Variants in SSBP3 observed in about 807,000 individuals in gnomAD.
The protein encoded by SSBP3 is single-stranded DNA-binding protein 3.
SSBP3 carries 5 observed loss-of-function variants against 69.6 expected under a neutral mutation model. The observed-to-expected ratio is 0.07, with a 90% CI of 0.04 to 0.15. SSBP3 has a LOEUF of 0.15. Among genes scored for constraint, SSBP3 ranks in the 10% least tolerant of loss-of-function variants. The probability of loss-of-function intolerance (pLI) is 1.00; values close to 1 mark genes in which losing one functional copy is unlikely to be tolerated. For synonymous variants in SSBP3, 196 were observed against 193.4 expected (o/e 1.01, Z -0.11); for missense variants, 312 against 534.0 (o/e 0.58, Z 4.10).
chr1:54,350,486 C>A (rs1370814814), intron 4 of SSBP3, among the ~76,000 whole-genome samples: 3 of 152,192 alleles, frequency 2.0e-5, no homozygotes, highest in Non-Finnish European at 4.4e-5. Context: ...CCAAGAAAGG[C>A]TGTGGTGAGA....
intron 4 of SSBP3, among the ~76,000 whole-genome samples, chr1:54,312,613 T>G (rs1489414146): frequency 6.6e-6 from 1 of 151,886 alleles, no homozygotes. Context: ...TCCTGTACAC[T>G]CCTTCCTTCA....
intron 5 of SSBP3, among the ~76,000 whole-genome samples, chr1:54,266,144 A>G (rs1428628114): frequency 6.6e-6 from 1 of 152,248 alleles, no homozygotes; most frequent in Non-Finnish European, 1.5e-5. Flanking sequence ...TGCGACTGCC[A>G]TGATACAGAT....
intron 4 of SSBP3, among the ~76,000 whole-genome samples, chr1:54,368,847 A>G (rs1407562162): frequency 6.6e-6 from 1 of 152,198 alleles, no homozygotes; most frequent in East Asian, 1.9e-4. Context: ...TTACTAGGGA[A>G]TCTTCAGGCA....
chr1:54,263,344 G>T (rs933447985), intron 5 of SSBP3, among the ~76,000 whole-genome samples: 1 of 152,210 alleles, frequency 6.6e-6, no homozygotes, highest in Non-Finnish European at 1.5e-5. Context: ...GGGTTGTGGT[G>T]TGACAGGAAG....
Position 54,241,524 on chromosome 1 carries a change from T to C in SSBP3, c.766-15A>G. 6.2e-7 allele frequency: 1 copy of C among 1,613,712 alleles called. No individual in the cohort carries two copies. The highest frequency in any genetic ancestry group is 1.1e-5 in the South Asian group (1 of 91,064). The stretch of plus-strand genomic sequence containing the variant: ...GAGTATGGAATCTAAAAACAAGATG[T>C]CAGGGAGCCCCACGTCAGAGTCACT... On this transcript the variant is annotated splice_polypyrimidine_tract_variant and intron_variant, in intron 11 of 17. Coordinates refer to ENST00000610401, the Ensembl canonical transcript of SSBP3.
At chr1:54,386,400 C>T (rs1487940934) in intron 4 of SSBP3, among the ~76,000 whole-genome samples, 1 of 152,184 alleles carries the variant, frequency 6.6e-6, no homozygotes, top group East Asian at 1.9e-4. Context: ...ACATCATCAA[C>T]TCCCAGGAGC....
rs3753405 is a variant in SSBP3 at position 54,280,035 on chromosome 1, T to C, written c.366+1403A>G. 3.7e-3 allele frequency among the ~76,000 whole-genome samples: 558 copies of C among 152,322 alleles called. 14 individuals are homozygous for C. The South Asian group carries it at 0.05, about 14-fold the overall frequency. On this transcript the variant is annotated intron_variant, in intron 5 of 17. Transcript: ENST00000610401. ...TCCAGTTTTGGCAGTGTTCTGGGAA[T>C]GCATACAGATCCACATGTGGCCATC...
At chr1:54,316,669 T>TA (rs1358788482) in intron 4 of SSBP3, among the ~76,000 whole-genome samples, 5,379 of 42,924 alleles carry the variant, frequency 0.13, 597 homozygotes, top group East Asian at 0.2. Flanking sequence ...ATAAAATAAA[T>TA]AAATAAATAA....
chr1:54,262,594 G>A (rs1645035226), intron 5 of SSBP3, among the ~76,000 whole-genome samples: 1 of 152,224 alleles, frequency 6.6e-6, no homozygotes, highest in African/African-American at 2.4e-5. Flanking sequence ...TACACAGAGA[G>A]AAATAAGCTT....
chr1:54,297,925 C>T (rs1645729944), intron 4 of SSBP3, among the ~76,000 whole-genome samples: 1 of 152,160 alleles, frequency 6.6e-6, no homozygotes, highest in African/African-American at 2.4e-5. Context: ...GCTCCTGGAC[C>T]AGATGTTCCA....
At chr1:54,404,492 G>C (rs111254803) in intron 3 of SSBP3, 84 bp downstream of exon 3, 161 of 1,545,834 alleles carry the variant, frequency 1.0e-4, no homozygotes, top group Non-Finnish European at 1.3e-4. Context: ...CGGAGGGCCT[G>C]CTCCAAGCCT....
chr1:54,261,495 G>T (rs575986656), intron 5 of SSBP3, among the ~76,000 whole-genome samples: 1 of 152,188 alleles, frequency 6.6e-6, no homozygotes. Flanking sequence ...TCTCTTCCCC[G>T]AACTCTGAAC....
intron 4 of SSBP3, among the ~76,000 whole-genome samples, chr1:54,391,348 T>C (rs1339590206): frequency 6.6e-6 from 1 of 152,228 alleles, no homozygotes; most frequent in Non-Finnish European, 1.5e-5. Flanking sequence ...ATCTTGTACC[T>C]TGGTCATCCA....
chr1:54,228,783 C>T (rs1043924357), exon 15 of SSBP3: 1 of 1,610,554 alleles, frequency 6.2e-7, no homozygotes, highest in African/African-American at 1.3e-5. Flanking sequence ...CTCCATGCCA[C>T]CCATGCCGCC....
intron 4 of SSBP3, among the ~76,000 whole-genome samples, chr1:54,282,299 G>A (rs1446363759): frequency 6.6e-6 from 1 of 152,178 alleles, no homozygotes; most frequent in Non-Finnish European, 1.5e-5. Flanking sequence ...ATGTCATATA[G>A]AGCAAAAGAT....
At chr1:54,308,143 G>C (rs1031546328) in intron 4 of SSBP3, among the ~76,000 whole-genome samples, 1 of 152,104 alleles carries the variant, frequency 6.6e-6, no homozygotes, top group African/African-American at 2.4e-5. Context: ...CCCCTTACCA[G>C]AGATGCTCTT....
chr1:54,261,666 C>A (rs921179226), intron 5 of SSBP3, among the ~76,000 whole-genome samples: 6 of 152,208 alleles, frequency 3.9e-5, no homozygotes, highest in Non-Finnish European at 5.9e-5. Context: ...ATCTGGAGGG[C>A]TGCTTGGCCA....
intron 4 of SSBP3, among the ~76,000 whole-genome samples, chr1:54,332,935 C>A (rs554106638): frequency 2.0e-5 from 3 of 151,956 alleles, no homozygotes; most frequent in African/African-American, 4.8e-5. Context: ...CACGCGCGAG[C>A]ACACACACAC....
intron 5 of SSBP3, among the ~76,000 whole-genome samples, chr1:54,261,399 C>T (rs1172016700): frequency 6.6e-6 from 1 of 152,200 alleles, no homozygotes; most frequent in Non-Finnish European, 1.5e-5. Flanking sequence ...TTGTTACCCA[C>T]TCGGGCAAAA....
Sources: gnomAD v4.1 joint callset for allele counts (sites outside exome capture counted in the v4.1 genomes callset) on GRCh38, gnomAD v4.1.1 for gene constraint, MANE v1.5 for transcripts, NCBI Gene and HGNC (gene_info 2026-07-23, HGNC 2026-07-21) for gene names.